Variants in CHL1 observed in about 807,000 individuals in gnomAD.
CHL1 encodes cell adhesion molecule L1 like, also known as neural cell adhesion molecule L1-like protein.
CHL1 carries 96 observed loss-of-function variants against 141.9 expected under a neutral mutation model. That is an observed-to-expected ratio of 0.68 (90% CI 0.57 to 0.80). The LOEUF is 0.80. Ranked by LOEUF, CHL1 falls within the 30% of genes least tolerant of loss-of-function variation. The pLI is 0.00. For missense variants in CHL1, 1,820 were observed against 1,457.2 expected (o/e 1.25, Z -4.05); for synonymous variants, 613 against 502.2 (o/e 1.22, Z -2.95).
At chr3:246,757 T>C (rs1693211406) in intron 2 of CHL1, 2 of 152,270 alleles carry the variant, frequency 1.3e-5, no homozygotes, top group East Asian at 1.9e-4. Context: ...AGAAATCTTA[T>C]GAGATTGAGT....
intron 11 of CHL1, among the ~76,000 whole-genome samples, chr3:358,303 C>G (rs893708553): frequency 1.2e-4 from 18 of 152,142 alleles, no homozygotes; most frequent in Non-Finnish European, 2.1e-4. Flanking sequence ...ATCTCTCTGA[C>G]CATCCTTCCA....
chr3:276,734 A>G (rs1033284169), intron 2 of CHL1, among the ~76,000 whole-genome samples: 7 of 151,680 alleles, frequency 4.6e-5, no homozygotes, highest in African/African-American at 1.7e-4. Context: ...CTAAAAATAC[A>G]AAAAATTAGC....
At chr3:342,641 T>C (rs780195113) in intron 7 of CHL1, among the ~76,000 whole-genome samples, 12 of 152,190 alleles carry the variant, frequency 7.9e-5, no homozygotes, top group Non-Finnish European at 1.5e-4. Context: ...GGCCCTGGTA[T>C]AGTTGAAAGT....
intron 9 of CHL1, among the ~76,000 whole-genome samples, chr3:348,308 A>G (rs1702940988): frequency 6.6e-6 from 1 of 152,186 alleles, no homozygotes; most frequent in Admixed American, 6.5e-5. Flanking sequence ...CCATCTTTAG[A>G]ACTCACCAAA....
At chr3:214,526 T>C (rs1454756208) in intron 1 of CHL1, among the ~76,000 whole-genome samples, 1 of 152,204 alleles carries the variant, frequency 6.6e-6, no homozygotes, top group African/African-American at 2.4e-5. Flanking sequence ...TTATTGGCCA[T>C]GGAAATGCTT....
intron 5 of CHL1, among the ~76,000 whole-genome samples, chr3:328,747 A>G (rs1189035078): frequency 6.6e-6 from 1 of 152,124 alleles, no homozygotes; most frequent in Non-Finnish European, 1.5e-5. Flanking sequence ...TCTTTCATGC[A>G]GCCTTCTTGC....
intron 2 of CHL1, among the ~76,000 whole-genome samples, chr3:303,608 C>A (rs1698958395): frequency 6.6e-6 from 1 of 152,180 alleles, no homozygotes; most frequent in South Asian, 2.1e-4. Context: ...GCTGAAGTTG[C>A]TTATCAGCTT....
Position 391,166 on chromosome 3 carries a change from G to A in CHL1, c.2791+7G>A, listed in dbSNP as rs965066803. 1 of 1,594,138 alleles carries A rather than the reference G, an allele frequency of 6.3e-7. No homozygotes were observed. The highest frequency in any genetic ancestry group is 8.6e-7 in the Non-Finnish European group (1 of 1,162,278). On this transcript the variant is annotated splice_region_variant and intron_variant, in intron 22 of 27. Transcript: ENST00000256509. ...TTTCAAACACCAGAAGGAGGTGAGA[G>A]GATAATGATGTAGAGTCATGTCAAA...
intron 1 of CHL1, among the ~76,000 whole-genome samples, chr3:210,702 G>T (rs1699838330): frequency 6.6e-6 from 1 of 152,178 alleles, no homozygotes; most frequent in Non-Finnish European, 1.5e-5. Context: ...CTAATTAACA[G>T]AATTATTAAA....
chr3:362,289 A>G (rs1224460656), intron 13 of CHL1, among the ~76,000 whole-genome samples: 1 of 152,154 alleles, frequency 6.6e-6, no homozygotes, highest in African/African-American at 2.4e-5. Flanking sequence ...ATATGGATCT[A>G]CCTTATTAGT....
chr3:266,442 C>T (rs1041900964), intron 2 of CHL1, among the ~76,000 whole-genome samples: 2 of 152,110 alleles, frequency 1.3e-5, no homozygotes, highest in Non-Finnish European at 2.9e-5. Context: ...CAACAGGCAT[C>T]ATGTTCTTAC....
chr3:364,377 A>T (rs573577509), intron 14 of CHL1, among the ~76,000 whole-genome samples: 1 of 152,274 alleles, frequency 6.6e-6, no homozygotes, highest in East Asian at 1.9e-4. Flanking sequence ...GTCACTGAAG[A>T]TGGTGATGAT....
At chr3:297,158 G>A (rs974051920) in intron 2 of CHL1, among the ~76,000 whole-genome samples, 1 of 152,000 alleles carries the variant, frequency 6.6e-6, no homozygotes, top group African/African-American at 2.4e-5. Flanking sequence ...TCGGGGAGAT[G>A]GAGGCTTCAG....
chr3:232,267 G>A (rs1846448), intron 1 of CHL1, among the ~76,000 whole-genome samples: 25,167 of 152,016 alleles, frequency 0.17, 2,209 homozygotes, highest in Middle Eastern at 0.27. Context: ...TTTGTATATC[G>A]GTGTGTTTGT....
intron 1 of CHL1, among the ~76,000 whole-genome samples, chr3:231,641 A>G (rs1701873556): frequency 6.9e-6 from 1 of 145,310 alleles, no homozygotes; most frequent in Non-Finnish European, 1.5e-5. Context: ...GCAGTGGCAC[A>G]ATCCTGGTTT....
At chr3:304,513 C>G (rs947503437) in intron 2 of CHL1, among the ~76,000 whole-genome samples, 5 of 152,164 alleles carry the variant, frequency 3.3e-5, no homozygotes, top group Non-Finnish European at 7.3e-5. Context: ...TCTAGATTTT[C>G]TAGTTTATTT....
intron 2 of CHL1, among the ~76,000 whole-genome samples, chr3:286,058 AC>A (rs1156654488): frequency 1.3e-5 from 2 of 152,138 alleles, no homozygotes; most frequent in East Asian, 1.9e-4. Flanking sequence ...AAAGTTTATT[AC>A]CCCCATTTTC....
chr3:392,326 C>A (rs538984663), intron 23 of CHL1, among the ~76,000 whole-genome samples: 2 of 152,330 alleles, frequency 1.3e-5, no homozygotes, highest in East Asian at 3.9e-4. Flanking sequence ...CAGACTCAAT[C>A]CTAAATATGC....
intron 1 of CHL1, among the ~76,000 whole-genome samples, chr3:237,570 C>A (rs1391683157): frequency 1.3e-5 from 2 of 152,132 alleles, no homozygotes; most frequent in Admixed American, 6.5e-5. Context: ...AGAGGGTCTA[C>A]TGTAGATAAA....
Sources: allele counts gnomAD v4.1 joint callset (sites outside exome capture counted in the v4.1 genomes callset), GRCh38; gene constraint gnomAD v4.1.1; transcripts MANE v1.5; gene names NCBI Gene and HGNC (gene_info 2026-07-23, HGNC 2026-07-21).